Variants in TMEM131 observed in about 807,000 individuals in gnomAD.
TMEM131 encodes transmembrane protein 131, also known as 2610524E03Rik.
Under a neutral mutation model 211.6 loss-of-function variants are expected in TMEM131, and 66 were observed. The ratio of observed to expected loss-of-function variants is 0.31; its 90% CI spans 0.26 to 0.38. TMEM131 has a LOEUF of 0.38. TMEM131 is among the 10% of genes least tolerant of loss of function. The pLI is 1.00. For synonymous variants in TMEM131, 844 were observed against 841.3 expected (o/e 1.00, Z -0.06); for missense variants, 2,036 against 2,299.3 (o/e 0.89, Z 2.34).
chr2:97,981,884 A>G (rs1012976548), intron 1 of TMEM131, among the ~76,000 whole-genome samples: 12 of 152,196 alleles, frequency 7.9e-5, no homozygotes, highest in Non-Finnish European at 1.8e-4. Flanking sequence ...AGCATTCATA[A>G]TAATACTTCA....
chr2:97,849,737 T>G, intron 5 of TMEM131, among the ~76,000 whole-genome samples: 1 of 148,252 alleles, frequency 6.7e-6, no homozygotes, highest in African/African-American at 2.5e-5. Context: ...TTTTTTTTTT[T>G]TTTACTGTTT....
chr2:97,850,128 T>G (rs1294799495), intron 5 of TMEM131, among the ~76,000 whole-genome samples: 1 of 150,624 alleles, frequency 6.6e-6, no homozygotes, highest in Non-Finnish European at 1.5e-5. Context: ...AAACAAAACA[T>G]GACAATATCA....
At chr2:97,943,066 AAAG>A (rs1559464619) in intron 1 of TMEM131, among the ~76,000 whole-genome samples, 4 of 92,340 alleles carry the variant, frequency 4.3e-5, no homozygotes, top group Admixed American at 2.2e-4. Flanking sequence ...AGAAAGAAAG[AAAG>A]AAAGAAAGAA....
intron 36 of TMEM131, chr2:97,761,784 A>G: frequency 2.4e-6 from 1 of 425,024 alleles, no homozygotes; most frequent in Non-Finnish European, 4.2e-6. Context: ...AGTGAGTTAA[A>G]TGGTGCATTT....
At position 97,767,701 on chromosome 2, in the gene TMEM131, A is replaced by G. The variant is rs1326953675; in HGVS notation, c.4449-1099T>C. On this transcript the variant is annotated intron_variant, in intron 33 of 40. Coordinates refer to ENST00000186436, the MANE Select transcript of TMEM131 (RefSeq NM_015348.2). ...TCTACAAAGTCTACACAGATGGTGTAAAATGGATGCATCGCCGGCATTTTC... is the reference window on the plus strand; with the variant it reads ...TCTACAAAGTCTACACAGATGGTGTGAAATGGATGCATCGCCGGCATTTTC... 3.3e-5 allele frequency among the ~76,000 whole-genome samples: 5 copies of G among 152,244 alleles called. No homozygotes were observed. The East Asian group carries it at 9.6e-4, about 29-fold the overall frequency.
intron 11 of TMEM131, among the ~76,000 whole-genome samples, chr2:97,824,438 G>C (rs1309444122): frequency 6.6e-5 from 10 of 152,212 alleles, no homozygotes; most frequent in African/African-American, 2.4e-4. Context: ...ATTACCATCC[G>C]AGGAATCCTG....
In TMEM131 at chr2:97,969,783, C is replaced by A. The variant is rs1463310864; in HGVS notation, c.187+25693G>T. On this transcript the variant is annotated intron_variant, in intron 1 of 40. Coordinates refer to ENST00000186436, the MANE Select transcript of TMEM131 (RefSeq NM_015348.2). Reference sequence around the variant, plus strand: ...ATATTCTCCTACAAGTAGCTGATATCTAACCACATGCTCTTACTTTATTAA... The same window carrying A: ...ATATTCTCCTACAAGTAGCTGATATATAACCACATGCTCTTACTTTATTAA... Among the ~76,000 whole-genome samples, 3 of 152,224 alleles carry A rather than the reference C, an allele frequency of 2.0e-5. No individual in the cohort carries two copies. In the East Asian group the frequency reaches 5.8e-4, roughly 29 times the overall value.
chr2:97,843,357 A>T (rs1198391060), intron 6 of TMEM131, among the ~76,000 whole-genome samples: 3 of 152,186 alleles, frequency 2.0e-5, no homozygotes, highest in African/African-American at 7.2e-5. Flanking sequence ...TCATTTAGAG[A>T]TGTGGTCTTG....
At chr2:97,950,947 G>A (rs1678283257) in intron 1 of TMEM131, among the ~76,000 whole-genome samples, 1 of 152,100 alleles carries the variant, frequency 6.6e-6, no homozygotes, top group Admixed American at 6.5e-5. Flanking sequence ...ACAATAAGCT[G>A]GAAATAGCCA....
intron 1 of TMEM131, among the ~76,000 whole-genome samples, chr2:97,939,823 G>A (rs1413364276): frequency 6.6e-6 from 1 of 152,050 alleles, no homozygotes; most frequent in African/African-American, 2.4e-5. Flanking sequence ...GCTTATCCAC[G>A]AAGATCAAGT....
chr2:97,966,034 T>A (rs543480026), intron 1 of TMEM131, among the ~76,000 whole-genome samples: 136 of 150,976 alleles, frequency 9.0e-4, no homozygotes, highest in African/African-American at 1.5e-3. Context: ...AGCAATTTTT[T>A]AAAAAAAAAC....
chr2:97,932,263 T>A (rs903612767), intron 1 of TMEM131, among the ~76,000 whole-genome samples: 1 of 152,226 alleles, frequency 6.6e-6, no homozygotes, highest in Admixed American at 6.5e-5. Context: ...ATAGCAATTT[T>A]AAAACATCCT....
chr2:97,794,836 C>T, intron 29 of TMEM131, 94 bp downstream of exon 29: 1 of 1,062,162 alleles, frequency 9.4e-7, no homozygotes. Flanking sequence ...GCTGGCATAT[C>T]CTAGCACTCA....
chr2:97,800,506 T>C (rs940894067), intron 25 of TMEM131, among the ~76,000 whole-genome samples: 1 of 151,728 alleles, frequency 6.6e-6, no homozygotes, highest in Non-Finnish European at 1.5e-5. Context: ...TCCCAGTACT[T>C]TAGGAGGCCA....
chr2:97,916,747 C>T (rs1676524880), intron 2 of TMEM131, among the ~76,000 whole-genome samples: 1 of 152,158 alleles, frequency 6.6e-6, no homozygotes, highest in African/African-American at 2.4e-5. Flanking sequence ...GCCTCAGAGT[C>T]AAATGCTTGG....
At chr2:97,930,875 GAAATAA>G (rs1203001347) in intron 1 of TMEM131, among the ~76,000 whole-genome samples, 3 of 151,584 alleles carry the variant, frequency 2.0e-5, no homozygotes, top group East Asian at 3.9e-4. Context: ...AACTGTAATT[GAAATAA>G]AAATAAACTA....
intron 11 of TMEM131, among the ~76,000 whole-genome samples, chr2:97,831,878 T>C (rs1377362842): frequency 6.6e-6 from 1 of 151,240 alleles, no homozygotes; most frequent in East Asian, 1.9e-4. Context: ...TGTTGGCCAG[T>C]CTGGTCTTGA....
intron 35 of TMEM131, chr2:97,765,107 G>C (rs1042035703): frequency 1.3e-5 from 2 of 152,210 alleles, no homozygotes; most frequent in African/African-American, 4.8e-5. Flanking sequence ...CTGGACACAC[G>C]GACCACCCAC....
At chr2:97,887,224 C>G (rs1675198816) in intron 4 of TMEM131, among the ~76,000 whole-genome samples, 1 of 152,258 alleles carries the variant, frequency 6.6e-6, no homozygotes, top group Admixed American at 6.5e-5. Context: ...TATACAGCTG[C>G]TTCTCAGGTC....
Sources: gnomAD v4.1 joint callset for allele counts (sites outside exome capture counted in the v4.1 genomes callset) on GRCh38, gnomAD v4.1.1 for gene constraint, MANE v1.5 for transcripts, NCBI Gene and HGNC (gene_info 2026-07-23, HGNC 2026-07-21) for gene names.